The following GOLGA3 variants were observed in gnomAD, a reference collection of about 807,000 sequenced individuals.
GOLGA3 encodes golgin A3.
In GOLGA3, 75 loss-of-function variants were observed where a neutral mutation model predicts 169.4. The observed-to-expected ratio is 0.44, with a 90% CI of 0.37 to 0.54. GOLGA3 has a LOEUF of 0.54. Ranked by LOEUF, GOLGA3 falls within the 20% of genes least tolerant of loss-of-function variation. GOLGA3 has a pLI of 0.00. For missense variants in GOLGA3, 1,899 were observed against 1,930.0 expected, an observed-to-expected ratio of 0.98 and a Z score of 0.30; for synonymous variants, 824 against 822.4, an observed-to-expected ratio of 1.00 and a Z score of -0.03.
chr12:132,813,472 C>A, intron 3 of GOLGA3, 53 bp from the exon 4 acceptor site: 1 of 948,290 alleles, frequency 1.1e-6, no homozygotes. Flanking sequence ...GGATGCAGAA[C>A]AATCAGGCAC....
chr12:132,776,788 A>T (rs199538544), intron 20 of GOLGA3, 32 bp from the exon 21 acceptor site: 1 of 1,611,050 alleles, frequency 6.2e-7, no homozygotes, highest in Non-Finnish European at 8.5e-7. Flanking sequence ...GGCCAAAAGA[A>T]TATTAAAGTG....
chr12:132,799,685 A>T (rs1949036202), intron 8 of GOLGA3, among the ~76,000 whole-genome samples: 1 of 151,948 alleles, frequency 6.6e-6, no homozygotes. Context: ...CATTGCTTTA[A>T]AGCTTCCTCT....
At chr12:132,785,792 A>C (rs1270535025) in intron 15 of GOLGA3, among the ~76,000 whole-genome samples, 2 of 152,242 alleles carry the variant, frequency 1.3e-5, no homozygotes, top group African/African-American at 4.8e-5. Flanking sequence ...GTAGAATGTT[A>C]TGCCTACCAC....
chr12:132,826,124 C>G, intron 1 of GOLGA3: 1 of 1,554,114 alleles, frequency 6.4e-7, no homozygotes, highest in Non-Finnish European at 8.9e-7. Flanking sequence ...CAAGACAGTG[C>G]ACCTCAACGT....
Position 132,807,925 on chromosome 12 carries a change from C to A in GOLGA3, c.1144G>T (p.Glu382Ter), listed in dbSNP as rs1158879156. The change falls in exon 5 of 24, where the codon GAG becomes TAG. Residue 382 changes from glutamate to a stop codon, truncating the protein, a stop_gained. Coordinates refer to ENST00000450791, the MANE Select transcript of GOLGA3 (RefSeq NM_001389683.1). LOFTEE classifies it high-confidence loss of function. ...HQDQGQEVNG[E>*]VRSRRDSICS... ...ATGCTGTCTCTCCGACTCCGCACCTCCCCGTTGACCTCCTGCCCCTGGTCT... is the reference window on the plus strand; with the variant it reads ...ATGCTGTCTCTCCGACTCCGCACCTACCCGTTGACCTCCTGCCCCTGGTCT... The A allele has an allele frequency of 6.2e-7, 1 of 1,612,122 alleles. No individual in the cohort carries two copies. The highest frequency in any genetic ancestry group is 8.5e-7 in the Non-Finnish European group (1 of 1,179,304).
chr12:132,797,928 G>A (rs1181018240), intron 9 of GOLGA3, among the ~76,000 whole-genome samples: 2 of 152,174 alleles, frequency 1.3e-5, no homozygotes, highest in Admixed American at 1.3e-4. Flanking sequence ...CCTAGGCTTC[G>A]ACAGGCTGTC....
Position 132,769,087 on chromosome 12 carries a change from CAAGT to C in GOLGA3, c.*4014_*4017del. 6.6e-6 allele frequency: 1 copy of C among 152,652 alleles called. No homozygotes were observed. Among genetic ancestry groups the C allele is most frequent in the African/African-American group, 2.4e-5 (1 of 41,592 alleles). 9.5% of individuals were successfully genotyped at this position (152,652 alleles called of 1,614,324 possible). A position where few individuals can be genotyped will look rare whatever the true frequency, so the allele number is the denominator to read the frequency against. ...TTTGTGAGGAAATTTTTAATAAAAA[CAAGT>C]AACTCAAAAGCACTGAATTTTCCAG... On this transcript the variant is annotated 3_prime_UTR_variant, in exon 24 of 24. Coordinates refer to ENST00000450791, the MANE Select transcript of GOLGA3 (RefSeq NM_001389683.1).
chr12:132,826,835 G>A (rs913360409), intron 1 of GOLGA3, among the ~76,000 whole-genome samples: 2 of 150,222 alleles, frequency 1.3e-5, no homozygotes, highest in East Asian at 1.9e-4. Context: ...GACAAAAAGC[G>A]ATCTCCGGGC....
In GOLGA3 at chr12:132,808,266, G is replaced by T; in HGVS notation, c.803C>A (p.Ser268Tyr). Residue 268 changes from serine (S) to tyrosine (Y), a missense_variant, in exon 5 of 24, where the codon TCT (serine) becomes TAT (tyrosine). Transcript: ENST00000450791. Reference protein sequence around the residue: ...NSGGNVPAPDSTKGSLKQNRS... With the variant: ...NSGGNVPAPDYTKGSLKQNRS... ...GTTCTGCTTCAGGGAACCCTTGGTAGAATCGGGAGCCGGGACATTTCCCCC... is the reference window on the plus strand; with the variant it reads ...GTTCTGCTTCAGGGAACCCTTGGTATAATCGGGAGCCGGGACATTTCCCCC... 1 of 1,614,130 alleles carries T rather than the reference G, an allele frequency of 6.2e-7. No individual in the cohort carries two copies. Among genetic ancestry groups the T allele is most frequent in the Non-Finnish European group, 8.5e-7 (1 of 1,180,032 alleles).
chr12:132,816,842 T>C (rs1352699755), intron 2 of GOLGA3, 30 bp from the exon 3 acceptor site: 8 of 1,546,846 alleles, frequency 5.2e-6, no homozygotes, highest in Admixed American at 2.0e-5. Context: ...TGGACCACCA[T>C]GGCTTTAACA....
intron 17 of GOLGA3, 24 bp from the exon 18 acceptor site, chr12:132,780,938 G>C (rs768051554): frequency 6.5e-7 from 1 of 1,546,314 alleles, no homozygotes; most frequent in East Asian, 2.2e-5. Context: ...CAGGAGGACA[G>C]ATAAGGAAGG....
intron 22 of GOLGA3, chr12:132,774,804 A>C (rs2045130764): frequency 4.3e-6 from 2 of 470,548 alleles, no homozygotes; most frequent in South Asian, 8.5e-5. Flanking sequence ...GACCGAGCAC[A>C]GAAAACCGCC....
intron 1 of GOLGA3, chr12:132,826,278 C>A: frequency 9.8e-7 from 1 of 1,022,728 alleles, no homozygotes; most frequent in East Asian, 2.6e-5. Context: ...AGAGCAGCAT[C>A]ACGGCCACGG....
chr12:132,825,023 C>T (rs547266363), intron 1 of GOLGA3, among the ~76,000 whole-genome samples: 1 of 152,300 alleles, frequency 6.6e-6, no homozygotes, highest in Admixed American at 6.5e-5. Flanking sequence ...CAAACTGGCA[C>T]GGAGGACTAC....
chr12:132,802,825 G>A (rs1949198555), intron 7 of GOLGA3, among the ~76,000 whole-genome samples: 2 of 152,166 alleles, frequency 1.3e-5, no homozygotes, highest in South Asian at 4.1e-4. Flanking sequence ...GGAGGCTGAG[G>A]CGGGCGGATC....
chr12:132,803,565 G>A (rs1593324838), intron 7 of GOLGA3, among the ~76,000 whole-genome samples: 2 of 152,186 alleles, frequency 1.3e-5, no homozygotes, highest in Admixed American at 1.3e-4. Context: ...CTTTAGTGTT[G>A]AGAACTTTTT....
In GOLGA3 at chr12:132,801,957, C is replaced by T. The variant is rs572488166; in HGVS notation, c.1610G>A (p.Arg537Gln). ...GCTCTGCAAGGCTGTCATCTGCTGTCGCAGGTCGTGCACTGAAATGGGGCA... is the reference window on the plus strand; with the variant it reads ...GCTCTGCAAGGCTGTCATCTGCTGTTGCAGGTCGTGCACTGAAATGGGGCA... ...LSKDNTVHDL[R>Q]QQMTALQSQL... is the part of the protein sequence containing the mutation. The change falls in exon 8 of 24, where the codon CGA becomes CAA. Residue 537 changes from arginine (R) to glutamine (Q), a missense_variant. By Grantham distance (43) the Arg-to-Gln change is conservative. Transcript: ENST00000450791. 77 of 1,597,648 alleles carry T rather than the reference C, an allele frequency of 4.8e-5. No homozygotes were observed. The highest frequency in any genetic ancestry group is 1.1e-4 in the African/African-American group (8 of 74,898).
chr12:132,823,751 C>T (rs1950307315), intron 1 of GOLGA3, among the ~76,000 whole-genome samples: 1 of 151,326 alleles, frequency 6.6e-6, no homozygotes, highest in Admixed American at 6.6e-5. Context: ...CACGCCATTG[C>T]ACTCCAGCCT....
chr12:132,808,092 C>T lies in GOLGA3; in HGVS notation c.977G>A (p.Arg326Gln), dbSNP rs192826427. 7.9e-5 allele frequency: 126 copies of T among 1,596,564 alleles called. No homozygotes were observed. The East Asian group carries it at 1.5e-3, about 20-fold the overall frequency. Residue 326 changes from arginine (R) to glutamine (Q), a missense_variant, in exon 5 of 24, where the codon CGA becomes CAA. Transcript: ENST00000450791. ...CTTCGACAGAATGCCATAGGTCCCTCGGGTGGAGGCGCTGCTGTACGATGA... is the reference window on the plus strand; with the variant it reads ...CTTCGACAGAATGCCATAGGTCCCTTGGGTGGAGGCGCTGCTGTACGATGA... ...DSSSYSSAST[R>Q]GTYGILSKTV...
Sources: gnomAD v4.1 joint callset for allele counts (sites outside exome capture counted in the v4.1 genomes callset) on GRCh38, gnomAD v4.1.1 for gene constraint, MANE v1.5 for transcripts, NCBI Gene and HGNC (gene_info 2026-07-23, HGNC 2026-07-21) for gene names.